CFAP70: variants seen among roughly 807,000 people sequenced by gnomAD.
CFAP70 encodes the protein cilia and flagella associated protein 70.
CFAP70 carries 81 observed loss-of-function variants against 137.6 expected under a neutral mutation model. The observed-to-expected ratio is 0.59, with a 90% CI of 0.49 to 0.71. The LOEUF is 0.71. Ranked by LOEUF, CFAP70 falls within the 30% of genes least tolerant of loss-of-function variation. CFAP70 has a pLI of 0.00. For synonymous variants in CFAP70, 382 were observed against 423.6 expected (o/e 0.90, Z 1.20); for missense variants, 976 against 1,226.7 (o/e 0.80, Z 3.05).
chr10:73,269,868 C>G (rs2046098936), intron 24 of CFAP70, among the ~76,000 whole-genome samples, 153 bp from the exon 26 acceptor site: 1 of 152,136 alleles, frequency 6.6e-6, no homozygotes, highest in Non-Finnish European at 1.5e-5. Context: ...TGTGGTGGTT[C>G]AATATATGAA....
intron 5 of CFAP70, among the ~76,000 whole-genome samples, chr10:73,341,932 A>G (rs6480700): frequency 0.11 from 16,109 of 152,236 alleles, 1,235 homozygotes; most frequent in East Asian, 0.3. Context: ...CTTTGAACTC[A>G]TTGTCACATT....
intron 7 of CFAP70, 140 bp from the exon 9 acceptor site, chr10:73,331,416 A>C: frequency 3.2e-6 from 2 of 628,820 alleles, no homozygotes; most frequent in Non-Finnish European, 5.2e-6. Flanking sequence ...TCAGTGGCTC[A>C]TGCCTGTAAA....
chr10:73,325,769 T>C (rs1455286165), intron 8 of CFAP70, among the ~76,000 whole-genome samples: 1 of 152,010 alleles, frequency 6.6e-6, no homozygotes, highest in Non-Finnish European at 1.5e-5. Flanking sequence ...AAGGGATCAA[T>C]TCAACAAGAA....
At chr10:73,293,508 C>A in intron 15 of CFAP70, 120 bp from the exon 17 acceptor site, 1 of 838,786 alleles carries the variant, frequency 1.2e-6, no homozygotes, top group Admixed American at 3.2e-5. Context: ...TGATTGATGT[C>A]TATAATGACA....
intron 3 of CFAP70, among the ~76,000 whole-genome samples, chr10:73,350,615 A>G (rs998999519): frequency 3.3e-5 from 5 of 152,070 alleles, no homozygotes; most frequent in African/African-American, 1.2e-4. Flanking sequence ...TAATGAATAT[A>G]TATATATTTT....
At position 73,304,334 on chromosome 10, in the gene CFAP70, G is replaced by A. The variant is rs552895123; in HGVS notation, c.1257-4669C>T. Among the ~76,000 whole-genome samples the A allele has an allele frequency of 3.3e-5, 5 of 152,252 alleles. No homozygotes were observed. In the East Asian group the frequency reaches 7.7e-4, roughly 23 times the overall value. On this transcript the variant is annotated intron_variant, in intron 12 of 26. Transcript: ENST00000310715. ...CTCTCAAAGGGCTGGGATTACAGGCGTGAGCCACTGCACCCGGCCCATTTA... is the reference window on the plus strand; with the variant it reads ...CTCTCAAAGGGCTGGGATTACAGGCATGAGCCACTGCACCCGGCCCATTTA...
intron 7 of CFAP70, among the ~76,000 whole-genome samples, chr10:73,331,606 C>A (rs1373835058): frequency 1.3e-5 from 2 of 152,076 alleles, no homozygotes; most frequent in African/African-American, 4.8e-5. Flanking sequence ...GGCTTGAGCT[C>A]AGGAGGTCAA....
intron 4 of CFAP70, 124 bp downstream of exon 5, chr10:73,348,032 A>C: frequency 1.2e-6 from 1 of 811,110 alleles, no homozygotes; most frequent in East Asian, 2.6e-5. Context: ...AGAATCTAAC[A>C]CTAAGTGTGC....
At chr10:73,321,142 C>T (rs774967063) in intron 9 of CFAP70, among the ~76,000 whole-genome samples, 9 of 151,958 alleles carry the variant, frequency 5.9e-5, no homozygotes, top group African/African-American at 1.7e-4. Context: ...CCTGGCCGGG[C>T]GCAGTGGCTC....
exon 16 of CFAP70, chr10:73,293,279 G>C (rs2048306372): frequency 6.2e-7 from 1 of 1,611,562 alleles, no homozygotes. Flanking sequence ...ATAATATGCT[G>C]CTGCCATCTC....
chr10:73,259,575 C>G (rs1048050118), intron 25 of CFAP70, among the ~76,000 whole-genome samples: 3 of 152,036 alleles, frequency 2.0e-5, no homozygotes, highest in Non-Finnish European at 4.4e-5. Context: ...GTGATTTTTC[C>G]CACAACTTTA....
intron 9 of CFAP70, 103 bp from the exon 11 acceptor site, chr10:73,312,746 C>T: frequency 2.0e-6 from 2 of 1,008,044 alleles, no homozygotes; most frequent in Non-Finnish European, 2.8e-6. Context: ...ACAATTTCGA[C>T]ATTTAATATC....
chr10:73,270,556 G>A (rs1356787551), intron 24 of CFAP70, among the ~76,000 whole-genome samples: 4 of 24,948 alleles, frequency 1.6e-4, no homozygotes, highest in Admixed American at 1.4e-3. Context: ...CCTTCTCTTC[G>A]ACAGAGTCTC....
In CFAP70 at chr10:73,275,343, T is replaced by A; in HGVS notation, c.2673+103A>T. On this transcript the variant is annotated intron_variant, in intron 22 of 26. Transcript: ENST00000310715. This position sits in a 1 kb window ranked among gnomAD's most constrained non-coding sequence, Gnocchi z 4.0. ...GAGAGATGAGTTTACTGACAGCTGATGACCACCCTTCTGTTCACCAGAAAT... is the reference window on the plus strand; with the variant it reads ...GAGAGATGAGTTTACTGACAGCTGAAGACCACCCTTCTGTTCACCAGAAAT... 1 of 1,341,464 alleles carries A rather than the reference T, an allele frequency of 7.5e-7. No homozygotes were observed. The highest frequency in any genetic ancestry group is 2.5e-5 in the East Asian group (1 of 40,788). The allele number at this position is 1,341,464 out of a possible 1,614,324, so 83.1% of individuals were successfully genotyped here.
intron 25 of CFAP70, among the ~76,000 whole-genome samples, chr10:73,258,605 C>T (rs374654371): frequency 6.6e-6 from 1 of 152,232 alleles, no homozygotes; most frequent in East Asian, 1.9e-4. Context: ...ACTATTGGGC[C>T]TGACTGCCTG....
chr10:73,277,628 A>G (rs12269087), intron 20 of CFAP70, among the ~76,000 whole-genome samples: 15,974 of 151,748 alleles, frequency 0.11, 1,205 homozygotes, highest in East Asian at 0.3. Context: ...CAGGAGAATC[A>G]CTTGAACCAA....
At chr10:73,310,652 A>G (rs2049834553) in intron 11 of CFAP70, among the ~76,000 whole-genome samples, 3 of 152,174 alleles carry the variant, frequency 2.0e-5, no homozygotes, top group Admixed American at 2.0e-4. Context: ...CCTCACTACC[A>G]TCTACCAACT....
chr10:73,347,165 T>C (rs923133205), intron 4 of CFAP70: 6 of 152,000 alleles, frequency 3.9e-5, no homozygotes, highest in African/African-American at 1.5e-4. Context: ...AAAGGAGTAA[T>C]GGGAGATGAG....
At chr10:73,259,331 A>G (rs900571940) in intron 25 of CFAP70, among the ~76,000 whole-genome samples, 30 of 152,224 alleles carry the variant, frequency 2.0e-4, no homozygotes, top group African/African-American at 6.8e-4. Context: ...AATTTCTGCC[A>G]CATCATTATT....
Sources: allele counts gnomAD v4.1 joint callset (sites outside exome capture counted in the v4.1 genomes callset), GRCh38; gene constraint gnomAD v4.1.1; non-coding constraint Gnocchi (gnomAD v3.1); transcripts MANE v1.5; gene names NCBI Gene and HGNC (gene_info 2026-07-23, HGNC 2026-07-21).